The following GRAMD1B variants were observed in gnomAD, a reference collection of about 807,000 sequenced individuals.
The protein encoded by GRAMD1B is protein Aster-B.
In GRAMD1B, 37 loss-of-function variants were observed where a neutral mutation model predicts 99.7. The observed-to-expected ratio is 0.37, with a 90% CI of 0.29 to 0.49. The LOEUF (loss-of-function observed/expected upper bound fraction) is 0.49. Ranked by LOEUF, GRAMD1B falls within the 20% of genes least tolerant of loss-of-function variation. The pLI is 0.98. For synonymous variants in GRAMD1B, 427 were observed against 387.6 expected, an observed-to-expected ratio of 1.10 and a Z score of -1.19; for missense variants, 888 against 1,009.2, an observed-to-expected ratio of 0.88 and a Z score of 1.63.
At chr11:123,602,009 A>G (rs950113880) in intron 8 of GRAMD1B, among the ~76,000 whole-genome samples, 1 of 152,222 alleles carries the variant, frequency 6.6e-6, no homozygotes, top group African/African-American at 2.4e-5. Context: ...GCAGAGAGGC[A>G]GATGTGTCCC....
At chr11:123,560,683 CGT>C (rs749623875) in intron 2 of GRAMD1B, 9,664 of 423,526 alleles carry the variant, frequency 0.023, 76 homozygotes, top group Admixed American at 0.028. Context: ...ACGCCTGGTG[CGT>C]GTGTGTGTGT....
chr11:123,469,308 T>C (rs968608657), intron 1 of GRAMD1B, among the ~76,000 whole-genome samples: 6 of 152,098 alleles, frequency 3.9e-5, no homozygotes, highest in Admixed American at 6.5e-5. Context: ...TGTAAGACCA[T>C]TGTTTCAGTG....
chr11:123,500,832 C>T (rs1042494836), intron 2 of GRAMD1B, among the ~76,000 whole-genome samples: 1 of 152,102 alleles, frequency 6.6e-6, no homozygotes, highest in Non-Finnish European at 1.5e-5. Context: ...CACCACCACT[C>T]CTGGCTAATT....
At chr11:123,468,687 C>T (rs1565524845) in intron 1 of GRAMD1B, among the ~76,000 whole-genome samples, 1 of 151,040 alleles carries the variant, frequency 6.6e-6, no homozygotes, top group South Asian at 2.1e-4. Flanking sequence ...GTCCCAGCTA[C>T]TCAGGAGGCC....
chr11:123,569,194 G>A (rs1409028142), intron 2 of GRAMD1B, among the ~76,000 whole-genome samples: 1 of 152,196 alleles, frequency 6.6e-6, no homozygotes, highest in East Asian at 1.9e-4. Context: ...CTCTGAACCA[G>A]TCAAATCTTC....
chr11:123,497,238 C>T (rs1291206534), intron 2 of GRAMD1B, among the ~76,000 whole-genome samples: 1 of 152,192 alleles, frequency 6.6e-6, no homozygotes, highest in Non-Finnish European at 1.5e-5. Flanking sequence ...TGCAGAGACT[C>T]TTGTTCTCTT....
intron 3 of GRAMD1B, among the ~76,000 whole-genome samples, chr11:123,578,965 A>G (rs1239941620): frequency 6.6e-6 from 1 of 151,932 alleles, no homozygotes; most frequent in Non-Finnish European, 1.5e-5. Context: ...GTTCCTCCCC[A>G]CTCGAGAGCT....
intron 1 of GRAMD1B, among the ~76,000 whole-genome samples, chr11:123,449,857 G>T (rs1445812630): frequency 6.6e-6 from 1 of 151,814 alleles, no homozygotes; most frequent in South Asian, 2.1e-4. Context: ...AGTAGCTGGG[G>T]TTTACAGGCA....
chr11:123,415,095 CTTTTTTTTT>C (rs1175202539), intron 1 of GRAMD1B, among the ~76,000 whole-genome samples: 13 of 75,818 alleles, frequency 1.7e-4, no homozygotes, highest in Non-Finnish European at 3.2e-4. Context: ...CTTTTTCTTT[CTTTTTTTTT>C]TTTTTTTTTT....
At chr11:123,413,721 AC>A (rs1948130581) in intron 1 of GRAMD1B, among the ~76,000 whole-genome samples, 1 of 151,454 alleles carries the variant, frequency 6.6e-6, no homozygotes, top group East Asian at 1.9e-4. Flanking sequence ...CCGCAGTCCC[AC>A]CCCCACCCCA....
Position 123,610,371 on chromosome 11 carries a change from CG to C in GRAMD1B, c.1919+38del, listed in dbSNP as rs772602837. ...GTGTGGAAGTCCCAGTGCGGTCAGA[CG>C]GGGGTCCTTACCTTAGAGAACATTC... On this transcript the variant is annotated intron_variant, in intron 14 of 19. Coordinates refer to ENST00000635736, the MANE Select transcript of GRAMD1B (RefSeq NM_001387025.1). This position sits in a 1 kb window ranked among gnomAD's most constrained non-coding sequence, Gnocchi z 4.1. The C allele has an allele frequency of 9.9e-6, 16 of 1,609,202 alleles. No individual in the cohort carries two copies. In the South Asian group the frequency reaches 1.6e-4, roughly 17 times the overall value.
intron 2 of GRAMD1B, among the ~76,000 whole-genome samples, chr11:123,548,761 C>A (rs1945322885): frequency 6.6e-6 from 1 of 152,094 alleles, no homozygotes; most frequent in Non-Finnish European, 1.5e-5. Context: ...ACATGTGTCA[C>A]CACATCTGGC....
Position 123,430,680 on chromosome 11 carries a change from G to C in GRAMD1B, c.-113G>C. On this transcript the variant is annotated 5_prime_UTR_variant, in exon 1 of 20. Coordinates refer to ENST00000635736, the MANE Select transcript of GRAMD1B (RefSeq NM_001387025.1). ...CTCCGGGAAAGGAACTTGTTCCTTC[G>C]GCCCCAGGATTGGGGAGTGTGCCGC... 1.9e-6 allele frequency: 1 copy of C among 537,988 alleles called. No individual in the cohort carries two copies. The highest frequency in any genetic ancestry group is 2.4e-5 in the South Asian group (1 of 41,686). The allele number at this position is 537,988 out of a possible 1,614,324, so 33.3% of individuals were successfully genotyped here. A position where few individuals can be genotyped will look rare whatever the true frequency, so the allele number is the denominator to read the frequency against.
At chr11:123,519,833 A>G (rs1028222398) in intron 2 of GRAMD1B, among the ~76,000 whole-genome samples, 8 of 152,360 alleles carry the variant, frequency 5.3e-5, no homozygotes, top group African/African-American at 1.9e-4. Flanking sequence ...GGTGGTGGAA[A>G]GAGCTCCAGA....
At chr11:123,585,547 G>A (rs1412900058) in intron 4 of GRAMD1B, among the ~76,000 whole-genome samples, 3 of 152,156 alleles carry the variant, frequency 2.0e-5, no homozygotes, top group South Asian at 2.1e-4. Flanking sequence ...GGTATCTTGG[G>A]GTGGGAGAGA....
intron 1 of GRAMD1B, chr11:123,432,154 G>A (rs889542226): frequency 1.0e-5 from 4 of 398,128 alleles, no homozygotes; most frequent in African/African-American, 8.2e-5. Context: ...ATTTCTGTGA[G>A]CTCAGTCTAG....
chr11:123,613,507 A>T lies in GRAMD1B; in HGVS notation c.2076A>T (p.Gln692His). Residue 692 changes from glutamine to histidine, a missense_variant, in exon 16 of 20, where the codon CAA becomes CAT. Around this residue, in one of 5 missense-constraint regions of GRAMD1B, gnomAD observed 232 missense variants for 261.7 expected, o/e 0.89. Coordinates refer to ENST00000635736, the MANE Select transcript of GRAMD1B (RefSeq NM_001387025.1). The stretch of plus-strand genomic sequence containing the variant: ...CTTATTTGGCTGAGATGCACAGACA[A>T]TCTCCCAAAGAGAAGGCCAGCAAGA... ...ESTYLAEMHR[Q>H]SPKEKASKTT... 1.2e-6 allele frequency: 2 copies of T among 1,613,282 alleles called. No individual in the cohort carries two copies. Among genetic ancestry groups the T allele is most frequent in the South Asian group, 2.2e-5 (2 of 90,836 alleles).
intron 1 of GRAMD1B, among the ~76,000 whole-genome samples, chr11:123,395,500 G>T (rs1373098498): frequency 6.6e-6 from 1 of 152,092 alleles, no homozygotes. Flanking sequence ...CGTTTGCATG[G>T]TTTCCTTTGC....
At chr11:123,580,528 G>T (rs1391270205) in intron 3 of GRAMD1B, among the ~76,000 whole-genome samples, 2 of 152,208 alleles carry the variant, frequency 1.3e-5, no homozygotes, top group African/African-American at 4.8e-5. Context: ...CAGGTCCCAT[G>T]CACGGTGTCT....
Sources: gnomAD v4.1 joint callset for allele counts (sites outside exome capture counted in the v4.1 genomes callset) on GRCh38, gnomAD v4.1.1 for gene constraint, gnomAD v4.1.1 regional missense constraint, Gnocchi (gnomAD v3.1) non-coding constraint, MANE v1.5 for transcripts, NCBI Gene and HGNC (gene_info 2026-07-23, HGNC 2026-07-21) for gene names.